KDM2B: variants seen among roughly 807,000 people sequenced by gnomAD.
KDM2B encodes the protein lysine demethylase 2B.
A neutral mutation model predicts 150.0 loss-of-function variants in KDM2B; 26 were observed. The observed-to-expected ratio is 0.17, with a 90% CI of 0.13 to 0.24. KDM2B has a LOEUF of 0.24. Ranked by LOEUF, KDM2B falls within the 10% of genes least tolerant of loss-of-function variation. KDM2B has a pLI of 1.00. For synonymous variants in KDM2B, 734 were observed against 729.5 expected (o/e 1.01, Z -0.10); for missense variants, 1,265 against 1,816.9 (o/e 0.70, Z 5.52).
At position 121,526,993 on chromosome 12, in the gene KDM2B, T is replaced by C. The variant is rs28827515; in HGVS notation, c.931+5813A>G. 3.9e-5 allele frequency among the ~76,000 whole-genome samples: 6 copies of C among 152,080 alleles called. No individual in the cohort carries two copies. The East Asian group carries it at 1.2e-3, about 30-fold the overall frequency. On this transcript the variant is annotated intron_variant, in intron 8 of 22. Transcript: ENST00000377071. ...GTTGCAGTGAGCCGAGATCATGCCA[T>C]TGCACTCCAGCCTTGGCAACAAGAG...
In KDM2B at chr12:121,517,690, C is replaced by T. The variant is rs550063449; in HGVS notation, c.1047+3295G>A. 1.3e-4 allele frequency among the ~76,000 whole-genome samples: 20 copies of T among 151,742 alleles called. 1 individual carries two copies. In the South Asian group the frequency reaches 3.7e-3, roughly 28 times the overall value. ...TTCACCATGTTGGCCAGGCTGGTCT[C>T]GAACTCCTGACCTCAGATCATCCGC... is the stretch of plus-strand genomic sequence containing the variant. On this transcript the variant is annotated intron_variant, in intron 9 of 22. Transcript: ENST00000377071.
intron 9 of KDM2B, among the ~76,000 whole-genome samples, chr12:121,515,445 C>T (rs1237986978): frequency 6.1e-5 from 1 of 16,298 alleles, no homozygotes; most frequent in East Asian, 1.0e-3. Flanking sequence ...ACCTCCAAAT[C>T]GCACTCGCCA....
At chr12:121,481,740 T>G (rs56840708) in intron 12 of KDM2B, among the ~76,000 whole-genome samples, 5 of 151,266 alleles carry the variant, frequency 3.3e-5, no homozygotes, top group African/African-American at 1.2e-4. Context: ...CAATTGCTTT[T>G]CAAGAACTTA....
Position 121,430,569 on chromosome 12 carries a change from C to CT in KDM2B, c.3830-101dup, listed in dbSNP as rs1872832485. ...TCAGCAGTGGGGACAGGTCAGAGCT[C>CT]TACATATTCCAGTCCCTGCTGTGCT... On this transcript the variant is annotated intron_variant, in intron 22 of 22. Coordinates refer to ENST00000377071, the MANE Select transcript of KDM2B (RefSeq NM_032590.5). The surrounding 1 kb of genome is among the most constrained non-coding windows in gnomAD (Gnocchi z 4.4). 3.9e-6 allele frequency: 3 copies of CT among 768,392 alleles called. No homozygotes were observed. The highest frequency in any genetic ancestry group is 6.9e-6 in the Non-Finnish European group (3 of 434,356). 47.6% of individuals were successfully genotyped at this position (768,392 alleles called of 1,614,324 possible). A position where few individuals can be genotyped will look rare whatever the true frequency, so the allele number is the denominator to read the frequency against.
At chr12:121,440,607 C>T (rs1555287940) in intron 21 of KDM2B, 6 of 548,236 alleles carry the variant, frequency 1.1e-5, no homozygotes, top group East Asian at 6.1e-5. Context: ...GAGAGACGCA[C>T]GCGGAGCCCC....
intron 11 of KDM2B, among the ~76,000 whole-genome samples, chr12:121,504,866 C>T (rs1884905113): frequency 6.6e-6 from 1 of 152,106 alleles, no homozygotes; most frequent in Admixed American, 6.6e-5. Context: ...CCTGTAATCC[C>T]AGCACTATGG....
intron 22 of KDM2B, among the ~76,000 whole-genome samples, chr12:121,434,297 A>G (rs1263112711): frequency 2.6e-5 from 4 of 152,170 alleles, no homozygotes; most frequent in Non-Finnish European, 5.9e-5. Flanking sequence ...GCACTTTGGG[A>G]GGCCGAGGTG....
chr12:121,506,013 C>T (rs11065604), intron 11 of KDM2B, among the ~76,000 whole-genome samples: 32,543 of 151,848 alleles, frequency 0.21, 6,276 homozygotes, highest in African/African-American at 0.52. Flanking sequence ...TTTTTGTTTG[C>T]TTTTTTATTT....
intron 11 of KDM2B, among the ~76,000 whole-genome samples, chr12:121,497,080 C>CACAGGAA (rs1302220502): frequency 6.8e-4 from 104 of 151,988 alleles, no homozygotes; most frequent in African/African-American, 2.4e-3. Context: ...CTCCTTAGCC[C>CACAGGAA]ACAGGAAACA....
At chr12:121,461,403 G>C (rs1879103017) in intron 12 of KDM2B, among the ~76,000 whole-genome samples, 1 of 152,170 alleles carries the variant, frequency 6.6e-6, no homozygotes, top group South Asian at 2.1e-4. Flanking sequence ...TCTGGCAACA[G>C]TGAGGGGAGT....
intron 4 of KDM2B, among the ~76,000 whole-genome samples, chr12:121,571,776 G>A (rs369371009): frequency 2.4e-4 from 36 of 150,816 alleles, no homozygotes; most frequent in Non-Finnish European, 3.8e-4. Flanking sequence ...TCAGCCTCCC[G>A]AGTAGCTGGG....
At chr12:121,471,594 T>C (rs1880777299) in intron 12 of KDM2B, among the ~76,000 whole-genome samples, 1 of 152,202 alleles carries the variant, frequency 6.6e-6, no homozygotes, top group South Asian at 2.1e-4. Flanking sequence ...CCATGCCCAC[T>C]TCTAGGAATG....
chr12:121,410,373 C>T, the KDM2B span, among the ~76,000 whole-genome samples: 2 of 151,986 alleles, frequency 1.3e-5, no homozygotes, highest in East Asian at 3.9e-4. Context: ...CCCGTCTCTA[C>T]TAAAAATACA....
Position 121,467,137 on chromosome 12 carries a change from G to A in KDM2B, c.1735-13793C>T. ...GGTCGTGCGGCGGGTCCCTCCCTCA[G>A]CCCCACCCCGGGCCGCCGACCTGGT... On this transcript the variant is annotated intron_variant, in intron 12 of 22. Coordinates refer to ENST00000377071, the MANE Select transcript of KDM2B (RefSeq NM_032590.5). The surrounding 1 kb of genome is among the most constrained non-coding windows in gnomAD (Gnocchi z 5.1). 1.8e-6 allele frequency: 2 copies of A among 1,120,360 alleles called. No individual in the cohort carries two copies. Among genetic ancestry groups the A allele is most frequent in the Non-Finnish European group, 2.2e-6 (2 of 898,240 alleles). 69.4% of individuals were successfully genotyped at this position (1,120,360 alleles called of 1,614,324 possible).
chr12:121,430,268 T>C lies in KDM2B; in HGVS notation c.*20A>G, dbSNP rs1872787645. 1 of 1,614,016 alleles carries C rather than the reference T, an allele frequency of 6.2e-7. No homozygotes were observed. Among genetic ancestry groups the C allele is most frequent in the South Asian group, 1.1e-5 (1 of 91,086 alleles). ...CTCCCCTCCCAGAGCCCGCCCCGTATTTACATACTTATCCTTGGACTAACT... is the reference window on the plus strand; with the variant it reads ...CTCCCCTCCCAGAGCCCGCCCCGTACTTACATACTTATCCTTGGACTAACT... On this transcript the variant is annotated 3_prime_UTR_variant, in exon 23 of 23. Transcript: ENST00000377071. This position sits in a 1 kb window ranked among gnomAD's most constrained non-coding sequence, Gnocchi z 4.4.
rs1344766228 is a variant in KDM2B at position 121,520,292 on chromosome 12, T to C, written c.1047+693A>G. 2.0e-5 allele frequency among the ~76,000 whole-genome samples: 3 copies of C among 152,188 alleles called. No homozygotes were observed. Among genetic ancestry groups the C allele is most frequent in the Non-Finnish European group, 4.4e-5 (3 of 68,034 alleles). ...AAGGCCATGGCAAGTTCAGGCCACT[T>C]GTCCTTTTCAGGGGACACTTGTGGA... On this transcript the variant is annotated intron_variant, in intron 9 of 22. Coordinates refer to ENST00000377071, the MANE Select transcript of KDM2B (RefSeq NM_032590.5). This position sits in a 1 kb window ranked among gnomAD's most constrained non-coding sequence, Gnocchi z 4.5.
chr12:121,420,809 G>T, the KDM2B span: 1 of 1,551,712 alleles, frequency 6.4e-7, no homozygotes, highest in Non-Finnish European at 8.9e-7. Context: ...TTTCCCTGTA[G>T]TATTTTTCCT....
chr12:121,423,854 C>T, the KDM2B span: 1 of 378,006 alleles, frequency 2.6e-6, no homozygotes, highest in Non-Finnish European at 4.9e-6. The surrounding 1 kb of genome is among the most constrained non-coding windows in gnomAD (Gnocchi z 4.3). Flanking sequence ...GCCATGTGGG[C>T]ATCAGCCACT....
downstream of KDM2B, among the ~76,000 whole-genome samples, chr12:121,426,345 G>A (rs1392851945): frequency 6.6e-6 from 1 of 151,982 alleles, no homozygotes; most frequent in East Asian, 1.9e-4. Flanking sequence ...GAAATGTTTA[G>A]TGTAACAGGC....
Sources: allele counts gnomAD v4.1 joint callset (sites outside exome capture counted in the v4.1 genomes callset), GRCh38; gene constraint gnomAD v4.1.1; non-coding constraint Gnocchi (gnomAD v3.1); transcripts MANE v1.5; gene names NCBI Gene and HGNC (gene_info 2026-07-23, HGNC 2026-07-21).